PCDH11X: variants seen among roughly 807,000 people sequenced by gnomAD.
PCDH11X encodes protocadherin 11 X-linked.
Under a neutral mutation model 53.3 loss-of-function variants are expected in PCDH11X, and 18 were observed. That is an observed-to-expected ratio of 0.34 (90% CI 0.23 to 0.50). The LOEUF (loss-of-function observed/expected upper bound fraction) is 0.50. PCDH11X is among the 20% of genes least tolerant of loss of function. The probability of loss-of-function intolerance (pLI) is 0.98; values close to 1 mark genes in which losing one functional copy is unlikely to be tolerated. For synonymous variants in PCDH11X, 279 were observed against 393.3 expected, an observed-to-expected ratio of 0.71 and a Z score of 3.44; for missense variants, 570 against 1,032.4, an observed-to-expected ratio of 0.55 and a Z score of 6.14.
chrX:91,837,394 T>C (rs1247813239), intron 5 of PCDH11X, among the ~76,000 whole-genome samples: 2 of 111,802 alleles, frequency 1.8e-5, no homozygotes, highest in African/African-American at 3.2e-5. Context: ...TCAAAAAAAC[T>C]AAAATTTAGA....
At chrX:92,589,073 T>A (rs918221064) in intron 10 of PCDH11X, among the ~76,000 whole-genome samples, 1 of 111,553 alleles carries the variant, frequency 9.0e-6, no homozygotes, top group Non-Finnish European at 1.9e-5. Context: ...AAGAAAACCC[T>A]TCTACCCTAG....
intron 8 of PCDH11X, among the ~76,000 whole-genome samples, chrX:92,313,062 C>T (rs1173325219): frequency 9.0e-6 from 1 of 111,659 alleles, no homozygotes; most frequent in East Asian, 2.8e-4. Context: ...CCCATGTTTT[C>T]CTAGTAACAG....
At chrX:92,076,048 G>A (rs933565335) in intron 6 of PCDH11X, among the ~76,000 whole-genome samples, 2 of 109,983 alleles carry the variant, frequency 1.8e-5, no homozygotes, top group Non-Finnish European at 3.8e-5. Context: ...GTAAGACTTC[G>A]GTAAAATTAA....
chrX:92,474,388 T>A (rs1011706019), intron 10 of PCDH11X, among the ~76,000 whole-genome samples: 1 of 108,608 alleles, frequency 9.2e-6, no homozygotes, highest in African/African-American at 3.3e-5. Flanking sequence ...ATAGTTTTTT[T>A]AATCCATTAA....
chrX:92,185,195 A>G (rs1308994074), intron 6 of PCDH11X, among the ~76,000 whole-genome samples: 1 of 110,961 alleles, frequency 9.0e-6, no homozygotes, highest in East Asian at 2.8e-4. Context: ...GCAGTGAGCT[A>G]TGATTGCACC....
chrX:91,843,259 A>C (rs1937552851), intron 5 of PCDH11X, among the ~76,000 whole-genome samples: 1 of 74,309 alleles, frequency 1.3e-5, no homozygotes, highest in African/African-American at 5.4e-5. Flanking sequence ...ATACATACAT[A>C]CTTATGTGTG....
chrX:91,895,858 T>C (rs774561839), intron 6 of PCDH11X, among the ~76,000 whole-genome samples: 17 of 106,092 alleles, frequency 1.6e-4, no homozygotes, highest in African/African-American at 5.4e-4. Flanking sequence ...TTACATACAT[T>C]ATACATATAT....
intron 5 of PCDH11X, among the ~76,000 whole-genome samples, chrX:91,859,993 T>G (rs1416363495): frequency 1.2e-4 from 13 of 110,640 alleles, no homozygotes; most frequent in Non-Finnish European, 2.1e-4. Context: ...TTTTTTCTAA[T>G]TATGTGAAGA....
At chrX:92,060,400 A>C (rs2148061624) in intron 6 of PCDH11X, among the ~76,000 whole-genome samples, 1 of 101,104 alleles carries the variant, frequency 9.9e-6, no homozygotes, top group Non-Finnish European at 2.0e-5. Context: ...TGCATGTTAC[A>C]GGAGTTTGCT....
In PCDH11X at chrX:91,783,479, A is replaced by AT. The variant is rs754038590; in HGVS notation, c.-379+3806dup. Among the ~76,000 whole-genome samples, 727 of 106,259 alleles carry AT rather than the reference A, an allele frequency of 6.8e-3. 2 individuals are homozygous for AT. Among genetic ancestry groups the AT allele is most frequent in the East Asian group, 0.041 (139 of 3,426 alleles). 92.3% of individuals were successfully genotyped at this position (106,259 alleles called of 115,157 possible). On this transcript the variant is annotated intron_variant, in intron 1 of 10. Coordinates refer to ENST00000682573, the MANE Select transcript of PCDH11X (RefSeq NM_032968.5). The stretch of plus-strand genomic sequence containing the variant: ...TCCTTCTCTTGGTATTCAAAACTTT[A>AT]TTTTTTTTTTTGCGAGATAGAAATT...
At chrX:92,198,678 A>G (rs1365226148) in intron 6 of PCDH11X, among the ~76,000 whole-genome samples, 4 of 110,966 alleles carry the variant, frequency 3.6e-5, no homozygotes, top group African/African-American at 1.3e-4. Flanking sequence ...TTATTCTTTT[A>G]AATTACCTGC....
intron 7 of PCDH11X, among the ~76,000 whole-genome samples, chrX:92,207,808 A>G (rs1431760173): frequency 1.8e-5 from 2 of 111,994 alleles, no homozygotes; most frequent in South Asian, 3.7e-4. Context: ...AAAAAAGGAC[A>G]TAAAATAGTG....
intron 5 of PCDH11X, among the ~76,000 whole-genome samples, chrX:91,839,252 T>A (rs865777016): frequency 1.5e-4 from 16 of 109,191 alleles, no homozygotes; most frequent in Non-Finnish European, 1.9e-4. Context: ...ACAGACAGAT[T>A]GTAGATGGAT....
At chrX:92,329,916 G>A (rs1417680006) in intron 8 of PCDH11X, among the ~76,000 whole-genome samples, 4 of 111,125 alleles carry the variant, frequency 3.6e-5, no homozygotes. Flanking sequence ...GCATGTGTTA[G>A]CACAACAGTA....
intron 6 of PCDH11X, among the ~76,000 whole-genome samples, chrX:92,193,085 T>G (rs1308904476): frequency 2.7e-5 from 3 of 111,889 alleles, no homozygotes; most frequent in Admixed American, 9.5e-5. Flanking sequence ...GGCAGACTTG[T>G]TTAACATTTA....
chrX:92,333,528 T>G (rs2069542570), intron 8 of PCDH11X, among the ~76,000 whole-genome samples: 1 of 111,791 alleles, frequency 8.9e-6, no homozygotes, highest in Non-Finnish European at 1.9e-5. Context: ...TTTCCTGCTA[T>G]AAGCCCATGT....
intron 8 of PCDH11X, among the ~76,000 whole-genome samples, chrX:92,283,367 G>A (rs920169328): frequency 2.7e-5 from 3 of 111,080 alleles, no homozygotes; most frequent in African/African-American, 9.8e-5. Context: ...TTGCTGCTAA[G>A]TCTCTAGCCA....
chrX:91,928,055 A>C (rs1414539875), intron 6 of PCDH11X, among the ~76,000 whole-genome samples: 2 of 111,024 alleles, frequency 1.8e-5, no homozygotes, highest in African/African-American at 3.3e-5. Flanking sequence ...TCTCAGCTTA[A>C]AAAAGAGTTG....
At chrX:91,872,140 G>T (rs1483486249) in intron 5 of PCDH11X, among the ~76,000 whole-genome samples, 1 of 109,565 alleles carries the variant, frequency 9.1e-6, no homozygotes, top group East Asian at 2.8e-4. Flanking sequence ...TTTCAATAAT[G>T]CACTGGCTAC....
Sources: gnomAD v4.1 joint callset for allele counts (sites outside exome capture counted in the v4.1 genomes callset) on GRCh38, gnomAD v4.1.1 for gene constraint, MANE v1.5 for transcripts, NCBI Gene and HGNC (gene_info 2026-07-23, HGNC 2026-07-21) for gene names.